TPTE: variants seen among roughly 807,000 people sequenced by gnomAD.
TPTE encodes putative tyrosine-protein phosphatase TPTE.
TPTE carries 59 observed loss-of-function variants against 84.1 expected under a neutral mutation model. The observed-to-expected ratio is 0.70, with a 90% CI of 0.57 to 0.87. The LOEUF (loss-of-function observed/expected upper bound fraction) is 0.87. Ranked by LOEUF, TPTE falls within the 40% of genes least tolerant of loss-of-function variation. TPTE has a pLI of 0.00. For missense variants in TPTE, 382 were observed against 659.6 expected (o/e 0.58, Z 4.61); for synonymous variants, 130 against 223.5 (o/e 0.58, Z 3.73).
intron 17 of TPTE, among the ~76,000 whole-genome samples, chr21:10,587,206 T>G (rs1475613697): frequency 6.6e-6 from 1 of 152,306 alleles, no homozygotes; most frequent in African/African-American, 2.4e-5. Context: ...CTTTTTCTTT[T>G]TGAGCTTAGA....
intron 8 of TPTE, among the ~76,000 whole-genome samples, chr21:10,557,735 A>G (rs1276043614): frequency 1.3e-5 from 2 of 150,290 alleles, no homozygotes; most frequent in Admixed American, 6.6e-5. Flanking sequence ...TCAAAGGCCA[A>G]TTTTTTTTTT....
At chr21:10,535,745 G>T (rs538736958) in intron 3 of TPTE, among the ~76,000 whole-genome samples, 1 of 152,310 alleles carries the variant, frequency 6.6e-6, no homozygotes, top group African/African-American at 2.4e-5. Context: ...TCATGAAACC[G>T]TAATGGGTTC....
intron 19 of TPTE, among the ~76,000 whole-genome samples, chr21:10,592,998 T>A (rs2075514217): frequency 6.6e-6 from 1 of 152,270 alleles, no homozygotes; most frequent in Non-Finnish European, 1.5e-5. Context: ...TGTTTTTTCT[T>A]TTAGAAACAT....
chr21:10,590,835 A>C (rs1351535550), intron 18 of TPTE, among the ~76,000 whole-genome samples: 4 of 152,308 alleles, frequency 2.6e-5, no homozygotes, highest in African/African-American at 9.6e-5. Flanking sequence ...AATTAATGCA[A>C]AAAATCGATG....
At chr21:10,528,644 T>A (rs542367682) in intron 3 of TPTE, among the ~76,000 whole-genome samples, 3 of 152,308 alleles carry the variant, frequency 2.0e-5, no homozygotes, top group Non-Finnish European at 4.4e-5. Flanking sequence ...TAACTGATGC[T>A]GTTTGTGTTA....
At chr21:10,598,784 C>T (rs1221838898) in intron 21 of TPTE, among the ~76,000 whole-genome samples, 1 of 152,306 alleles carries the variant, frequency 6.6e-6, no homozygotes, top group Non-Finnish European at 1.5e-5. Flanking sequence ...GTCTAATAAC[C>T]ATAAACTTTT....
At chr21:10,549,385 T>C (rs1424247391) in intron 7 of TPTE, among the ~76,000 whole-genome samples, 3 of 152,298 alleles carry the variant, frequency 2.0e-5, no homozygotes, top group Admixed American at 6.5e-5. Context: ...CATAAACATA[T>C]GATGTGACAG....
At chr21:10,581,618 A>G (rs2075272600) in intron 17 of TPTE, among the ~76,000 whole-genome samples, 1 of 152,310 alleles carries the variant, frequency 6.6e-6, no homozygotes. Flanking sequence ...ATATTGATTT[A>G]TAGAAGTTCT....
chr21:10,578,922 T>A (rs1267550350), intron 17 of TPTE, among the ~76,000 whole-genome samples: 1 of 41,656 alleles, frequency 2.4e-5, no homozygotes, highest in African/African-American at 9.5e-5. Flanking sequence ...ATACAAACAG[T>A]CTTTAATTTT....
At chr21:10,554,709 A>G (rs1260187578) in intron 8 of TPTE, among the ~76,000 whole-genome samples, 2 of 152,310 alleles carry the variant, frequency 1.3e-5, no homozygotes, top group African/African-American at 4.8e-5. Context: ...ATTCTCAGAA[A>G]GTCCTTCTCA....
At chr21:10,545,892 A>G (rs2145630710) in intron 7 of TPTE, among the ~76,000 whole-genome samples, 1 of 151,986 alleles carries the variant, frequency 6.6e-6, no homozygotes, top group South Asian at 2.1e-4. Flanking sequence ...TCATGTATAT[A>G]TCCTTTAATA....
chr21:10,596,561 C>T (rs1273643180), intron 20 of TPTE, among the ~76,000 whole-genome samples: 1 of 152,310 alleles, frequency 6.6e-6, no homozygotes, highest in Non-Finnish European at 1.5e-5. Flanking sequence ...CTCCCTTTCC[C>T]CTCTCTCCTC....
chr21:10,580,353 G>C lies in TPTE; in HGVS notation c.1027+1748G>C, dbSNP rs367798569. 7.2e-5 allele frequency among the ~76,000 whole-genome samples: 11 copies of C among 152,376 alleles called. No homozygotes were observed. In the East Asian group the frequency reaches 1.9e-3, roughly 27 times the overall value. On this transcript the variant is annotated intron_variant, in intron 17 of 23. Transcript: ENST00000618007. The stretch of plus-strand genomic sequence containing the variant: ...TCCTTTGCTGTGCAAAAGCGTTTTA[G>C]TTTGATACAGTATCATTTGTCTACT...
At chr21:10,568,500 G>C (rs1189845802) in intron 11 of TPTE, among the ~76,000 whole-genome samples, 1 of 152,426 alleles carries the variant, frequency 6.6e-6, no homozygotes, top group Non-Finnish European at 1.5e-5. Flanking sequence ...GAAAATGAAA[G>C]AGCAAATGTA....
At chr21:10,546,133 C>G (rs1360525575) in intron 7 of TPTE, among the ~76,000 whole-genome samples, 6 of 152,304 alleles carry the variant, frequency 3.9e-5, no homozygotes, top group East Asian at 1.9e-4. Flanking sequence ...ATTTTTCCAA[C>G]AGCGTGTTCT....
intron 10 of TPTE, among the ~76,000 whole-genome samples, chr21:10,562,061 GAGAAAGTA>G (rs1371238970): frequency 1.3e-5 from 2 of 152,302 alleles, no homozygotes; most frequent in Non-Finnish European, 2.9e-5. Flanking sequence ...GTTTGTTTGG[GAGAAAGTA>G]AGGGAAGAAA....
chr21:10,525,638 T>A (rs2074064702), intron 2 of TPTE, among the ~76,000 whole-genome samples: 2 of 152,308 alleles, frequency 1.3e-5, no homozygotes, highest in African/African-American at 4.8e-5. Flanking sequence ...AACTCAAACT[T>A]CTGTGGTTGC....
intron 7 of TPTE, among the ~76,000 whole-genome samples, chr21:10,550,834 G>A (rs1326600595): frequency 6.6e-6 from 1 of 152,306 alleles, no homozygotes; most frequent in African/African-American, 2.4e-5. Flanking sequence ...CATTATCTAA[G>A]ATAGACCATA....
At chr21:10,553,117 G>GC (rs1429750506) in intron 8 of TPTE, among the ~76,000 whole-genome samples, 1 of 152,308 alleles carries the variant, frequency 6.6e-6, no homozygotes, top group Non-Finnish European at 1.5e-5. Flanking sequence ...GATAGCAAAA[G>GC]CAAACATATT....
Sources: gnomAD v4.1 joint callset for allele counts (sites outside exome capture counted in the v4.1 genomes callset) on GRCh38, gnomAD v4.1.1 for gene constraint, MANE v1.5 for transcripts, NCBI Gene and HGNC (gene_info 2026-07-23, HGNC 2026-07-21) for gene names.